The following INPP5F variants were observed in gnomAD, a reference collection of about 807,000 sequenced individuals.
The protein encoded by INPP5F is inositol polyphosphate-5-phosphatase F, also known as phosphatidylinositide 4-phosphatase SAC2.
In INPP5F, 97 loss-of-function variants were observed where a neutral mutation model predicts 137.2. That is an observed-to-expected ratio of 0.71 (90% CI 0.60 to 0.84). The LOEUF is 0.84. Among genes scored for constraint, INPP5F ranks in the 40% least tolerant of loss-of-function variants. INPP5F has a pLI of 0.00. For missense variants in INPP5F, 1,271 were observed against 1,371.9 expected, an observed-to-expected ratio of 0.93 and a Z score of 1.16; for synonymous variants, 504 against 476.9, an observed-to-expected ratio of 1.06 and a Z score of -0.74.
At position 119,826,764 on chromosome 10, in the gene INPP5F, G is replaced by A. The variant is rs774117584; in HGVS notation, c.2383G>A (p.Val795Ile). Reference protein sequence around the residue: ...NQKVKQTKSNVNIGNLRKLGN... With the variant: ...NQKVKQTKSNINIGNLRKLGN... ...AAAAGTGAAGCAGACCAAATCCAAT[G>A]TAAATATTGGCAACCTCCGAAAGCT... Residue 795 changes from valine (V) to isoleucine (I), a missense_variant, in exon 20 of 20, where the codon GTA (valine) becomes ATA (isoleucine). Around this residue, in one of 6 missense-constraint regions of INPP5F, gnomAD observed 490 missense variants for 443.7 expected, o/e 1.10. Coordinates refer to ENST00000650623, the MANE Select transcript of INPP5F (RefSeq NM_014937.4). 1.2e-6 allele frequency: 2 copies of A among 1,613,882 alleles called. No individual in the cohort carries two copies. Among genetic ancestry groups the A allele is most frequent in the Non-Finnish European group, 1.7e-6 (2 of 1,179,960 alleles).
At chr10:119,788,833 TG>T (rs1295556548) in intron 3 of INPP5F, among the ~76,000 whole-genome samples, 2 of 152,236 alleles carry the variant, frequency 1.3e-5, no homozygotes. Flanking sequence ...GAGGAAAACC[TG>T]GGTGCAGACT....
At position 119,764,342 on chromosome 10, in the gene INPP5F, T is replaced by C. The variant is rs191853248; in HGVS notation, c.178+13186T>C. Among the ~76,000 whole-genome samples, 589 of 149,112 alleles carry C rather than the reference T, an allele frequency of 4.0e-3. 1 individual carries two copies. Among genetic ancestry groups the C allele is most frequent in the South Asian group, 6.6e-3 (28 of 4,248 alleles). Reference sequence around the variant, plus strand: ...GCATGTGCTTGCATACACAGGCGTGTGCACACACACACACACACAAACACA... The same window carrying C: ...GCATGTGCTTGCATACACAGGCGTGCGCACACACACACACACACAAACACA... On this transcript the variant is annotated intron_variant, in intron 2 of 19. Coordinates refer to ENST00000650623, the MANE Select transcript of INPP5F (RefSeq NM_014937.4).
At chr10:119,791,805 A>T in intron 4 of INPP5F, 64 bp from the exon 5 acceptor site, 1 of 1,412,860 alleles carries the variant, frequency 7.1e-7, no homozygotes, top group South Asian at 1.4e-5. Context: ...TTAGGAATTT[A>T]TGTGTTATCC....
intron 2 of INPP5F, among the ~76,000 whole-genome samples, chr10:119,775,922 T>C (rs1849509090): frequency 1.3e-5 from 2 of 152,208 alleles, no homozygotes; most frequent in Non-Finnish European, 2.9e-5. Context: ...ATTAAAAATA[T>C]AGACATAAAT....
intron 2 of INPP5F, among the ~76,000 whole-genome samples, chr10:119,752,276 A>G (rs1030580938): frequency 6.6e-6 from 1 of 152,178 alleles, no homozygotes. Context: ...GCATGTATCT[A>G]CCACCTAGGT....
At chr10:119,806,517 C>T (rs776649073) in intron 12 of INPP5F, 37 bp downstream of exon 12, 19 of 1,535,198 alleles carry the variant, frequency 1.2e-5, no homozygotes, top group African/African-American at 4.2e-5. Context: ...ATATTCATTT[C>T]GAAATGCTTT....
chr10:119,738,648 TAC>T (rs57713774), intron 1 of INPP5F, among the ~76,000 whole-genome samples: 61,337 of 150,094 alleles, frequency 0.41, 12,650 homozygotes, highest in South Asian at 0.65. Flanking sequence ...AGATTTTAAA[TAC>T]ACACACACAC....
chr10:119,731,532 C>T (rs1184469473), intron 1 of INPP5F, among the ~76,000 whole-genome samples: 3 of 151,946 alleles, frequency 2.0e-5, no homozygotes, highest in South Asian at 4.1e-4. Context: ...GGTGTGGTGG[C>T]GGGTGCCTAT....
chr10:119,813,408 A>G (rs1297025151), intron 15 of INPP5F, among the ~76,000 whole-genome samples: 2 of 152,188 alleles, frequency 1.3e-5, no homozygotes, highest in Non-Finnish European at 2.9e-5. Flanking sequence ...GCACTTTGGG[A>G]GGCCAAGGCA....
chr10:119,786,117 ATTAT>A (rs1449770585), intron 3 of INPP5F, among the ~76,000 whole-genome samples: 1 of 152,212 alleles, frequency 6.6e-6, no homozygotes, highest in Admixed American at 6.5e-5. Flanking sequence ...TTCACATAAA[ATTAT>A]TTATGTCCCT....
chr10:119,728,204 A>G (rs901076828), intron 1 of INPP5F, among the ~76,000 whole-genome samples: 1 of 152,246 alleles, frequency 6.6e-6, no homozygotes, highest in South Asian at 2.1e-4. Flanking sequence ...CAGACCAAGT[A>G]GACCAAATGT....
chr10:119,802,115 G>C (rs1369843015), intron 9 of INPP5F, among the ~76,000 whole-genome samples: 1 of 152,182 alleles, frequency 6.6e-6, no homozygotes, highest in East Asian at 1.9e-4. Flanking sequence ...AATGAGATAG[G>C]TGATGTGGGG....
At chr10:119,780,366 G>A (rs895121994) in intron 2 of INPP5F, among the ~76,000 whole-genome samples, 11 of 152,112 alleles carry the variant, frequency 7.2e-5, no homozygotes, top group African/African-American at 2.7e-4. Flanking sequence ...CTTGAGCCCA[G>A]CAGTTTGAGA....
rs1397964168 is a variant in INPP5F, at chr10:119,726,368, G to A, written c.97+9G>A. Reference sequence around the variant, plus strand: ...CCTCCAGCTCCGACCCGGTGAGGCTGGCGGTGCGGGCGGGGGGCACCCCGG... The same window carrying A: ...CCTCCAGCTCCGACCCGGTGAGGCTAGCGGTGCGGGCGGGGGGCACCCCGG... On this transcript the variant is annotated intron_variant, in intron 1 of 19. Transcript: ENST00000650623. 1 of 1,330,342 alleles carries A rather than the reference G, an allele frequency of 7.5e-7. No individual in the cohort carries two copies. The highest frequency in any genetic ancestry group is 3.3e-5 in the East Asian group (1 of 30,106). 82.4% of individuals were successfully genotyped at this position (1,330,342 alleles called of 1,614,324 possible).
chr10:119,828,899 C>CT lies in INPP5F; in HGVS notation c.*1120dup, dbSNP rs1225954299. On this transcript the variant is annotated 3_prime_UTR_variant, in exon 20 of 20. Transcript: ENST00000650623. ...GTGCTGAATCTGTCTGACTATAACT[C>CT]TGACCACACAGAACCAGGGCTGCCC... The CT allele has an allele frequency of 6.6e-6, 1 of 152,650 alleles. No individual in the cohort carries two copies. Among genetic ancestry groups the CT allele is most frequent in the East Asian group, 1.9e-4 (1 of 5,200 alleles). The allele number at this position is 152,650 out of a possible 1,614,324, so 9.5% of individuals were successfully genotyped here.
Position 119,811,966 on chromosome 10 carries a change from G to C in INPP5F, c.1886+11G>C. On this transcript the variant is annotated intron_variant, in intron 15 of 19. Transcript: ENST00000650623. Reference sequence around the variant, plus strand: ...TGACTGTGACCCTAGGTGAGTTGGAGTGGTGTCCAGGTGACCAGCTTGCTT... The same window carrying C: ...TGACTGTGACCCTAGGTGAGTTGGACTGGTGTCCAGGTGACCAGCTTGCTT... 2 of 1,610,474 alleles carry C rather than the reference G, an allele frequency of 1.2e-6. No individual in the cohort carries two copies. The highest frequency in any genetic ancestry group is 1.7e-6 in the Non-Finnish European group (2 of 1,176,748).
At position 119,730,792 on chromosome 10, in the gene INPP5F, CTT is replaced by C. The variant is rs35073468; in HGVS notation, c.97+4446_97+4447del. Among the ~76,000 whole-genome samples the C allele has an allele frequency of 2.2e-3, 312 of 144,876 alleles. 1 individual carries two copies. Among genetic ancestry groups the C allele is most frequent in the Middle Eastern group, 3.4e-3 (1 of 290 alleles). ...ACTCTAAGTGATGAATCCCAGTGAACTTTTTTTTTTTTTTGAGATTGAGTCTC... is the reference window on the plus strand; with the variant it reads ...ACTCTAAGTGATGAATCCCAGTGAACTTTTTTTTTTTTGAGATTGAGTCTC... On this transcript the variant is annotated intron_variant, in intron 1 of 19. Coordinates refer to ENST00000650623, the MANE Select transcript of INPP5F (RefSeq NM_014937.4).
chr10:119,793,799 A>G (rs1292625634), intron 6 of INPP5F, among the ~76,000 whole-genome samples: 2 of 151,996 alleles, frequency 1.3e-5, no homozygotes, highest in African/African-American at 4.8e-5. Flanking sequence ...CTTGCGCCCC[A>G]GGCCCAGCTA....
chr10:119,776,032 G>A (rs1849512030), intron 2 of INPP5F, among the ~76,000 whole-genome samples: 1 of 152,176 alleles, frequency 6.6e-6, no homozygotes, highest in African/African-American at 2.4e-5. Context: ...ATTCTCTGAA[G>A]TAGGCAGCTT....
Sources: gnomAD v4.1 joint callset for allele counts (sites outside exome capture counted in the v4.1 genomes callset) on GRCh38, gnomAD v4.1.1 for gene constraint, gnomAD v4.1.1 regional missense constraint, MANE v1.5 for transcripts, NCBI Gene and HGNC (gene_info 2026-07-23, HGNC 2026-07-21) for gene names.